PABPC1: variants seen among roughly 807,000 people sequenced by gnomAD.
PABPC1 encodes polyadenylate-binding protein 1.
PABPC1 carries 4 observed loss-of-function variants against 74.0 expected under a neutral mutation model. The ratio of observed to expected loss-of-function variants is 0.05; its 90% CI spans 0.03 to 0.12. The LOEUF (loss-of-function observed/expected upper bound fraction) is 0.12. PABPC1 is among the 10% of genes least tolerant of loss of function. The pLI is 1.00. For missense variants in PABPC1, 271 were observed against 821.1 expected (o/e 0.33, Z 8.19); for synonymous variants, 227 against 264.1 (o/e 0.86, Z 1.36).
chr8:100,712,078 C>CA (rs977525351), intron 7 of PABPC1, among the ~76,000 whole-genome samples: 7 of 152,344 alleles, frequency 4.6e-5, no homozygotes, highest in African/African-American at 1.4e-4. Flanking sequence ...ACTATAGTAA[C>CA]AATTATAAGT....
At chr8:100,712,143 CAT>C (rs1176166478) in intron 7 of PABPC1, among the ~76,000 whole-genome samples, 3 of 152,240 alleles carry the variant, frequency 2.0e-5, no homozygotes, top group Admixed American at 6.5e-5. Context: ...TAGTGCATAT[CAT>C]GTGAGGATAT....
At chr8:100,706,489 G>A (rs1275196113) in intron 11 of PABPC1, among the ~76,000 whole-genome samples, 162 bp downstream of exon 11, 1 of 151,986 alleles carries the variant, frequency 6.6e-6, no homozygotes, top group Non-Finnish European at 1.5e-5. Context: ...GGTCCTGTAT[G>A]TTGCCCAGGC....
chr8:100,718,340 A>G, intron 1 of PABPC1, 60 bp from the exon 2 acceptor site: 1 of 1,390,424 alleles, frequency 7.2e-7, no homozygotes, highest in Non-Finnish European at 1.0e-6. Flanking sequence ...GCTACTTAAG[A>G]TTATATAAAC....
intron 3 of PABPC1, among the ~76,000 whole-genome samples, chr8:100,716,384 G>A (rs189331009): frequency 6.6e-6 from 1 of 152,214 alleles, no homozygotes; most frequent in Non-Finnish European, 1.5e-5. Flanking sequence ...GGGCAAGAGA[G>A]CAAGACCATG....
At position 100,721,996 on chromosome 8, in the gene PABPC1, T is replaced by A. The variant is rs143815630; in HGVS notation, c.-413A>T. The A allele has an allele frequency of 4.6e-3, 737 of 161,514 alleles. 5 individuals are homozygous for A. Among genetic ancestry groups the A allele is most frequent in the Middle Eastern group, 0.036 (12 of 334 alleles). 10.0% of individuals were successfully genotyped at this position (161,514 alleles called of 1,614,324 possible). On this transcript the variant is annotated 5_prime_UTR_variant, in exon 1 of 15. Transcript: ENST00000318607. This position sits in a 1 kb window ranked among gnomAD's most constrained non-coding sequence, Gnocchi z 7.4. ...TTTGGGGTTTTTTAAAAGATTTTTT[T>A]AGATTTTTTTTGGATTTTTTAATAA...
intron 13 of PABPC1, 74 bp downstream of exon 13, chr8:100,704,852 T>TAA (rs1191591048): frequency 8.4e-6 from 12 of 1,427,610 alleles, no homozygotes; most frequent in Non-Finnish European, 1.2e-5. Context: ...GTAAGTGTTC[T>TAA]GTACAATTAA....
intron 5 of PABPC1, 66 bp downstream of exon 5, chr8:100,713,021 T>A: frequency 5.1e-6 from 6 of 1,170,572 alleles, no homozygotes; most frequent in Non-Finnish European, 7.4e-6. Flanking sequence ...AGTATGCACA[T>A]AGACTTCAAC....
intron 8 of PABPC1, 67 bp from the exon 9 acceptor site, chr8:100,709,290 T>C (rs778444194): frequency 1.3e-5 from 20 of 1,502,494 alleles, no homozygotes; most frequent in Non-Finnish European, 1.8e-5. Flanking sequence ...ATAAATTATA[T>C]GTACTTTTTC....
intron 7 of PABPC1, among the ~76,000 whole-genome samples, chr8:100,711,242 C>A (rs554927075): frequency 1.3e-5 from 2 of 151,836 alleles, no homozygotes; most frequent in Non-Finnish European, 2.9e-5. Flanking sequence ...ATTGCACCAC[C>A]GCACTCCAGC....
Position 100,721,730 on chromosome 8 carries a change from C to T in PABPC1, c.-147G>A, listed in dbSNP as rs1055282925. 1.2e-5 allele frequency: 8 copies of T among 653,368 alleles called. No homozygotes were observed. The African/African-American group carries it at 1.3e-4, about 11-fold the overall frequency. 40.5% of individuals were successfully genotyped at this position (653,368 alleles called of 1,614,324 possible). On this transcript the variant is annotated 5_prime_UTR_variant, in exon 1 of 15. Transcript: ENST00000318607. The surrounding 1 kb of genome is among the most constrained non-coding windows in gnomAD (Gnocchi z 7.4). ...AAATCAACCGGAATTGAAAACTACT[C>T]AACGGCCGCAGAACGGGGTCGATCC...
In PABPC1 at chr8:100,718,260, T is replaced by C. The variant is rs762908527; in HGVS notation, c.214A>G (p.Met72Val). ...PADAERALDT[M>V]NFDVIKGKPV... is the part of the protein sequence containing the mutation. Reference sequence around the variant, plus strand: ...TTGCCCTTTATAACATCAAAATTCATGGTGTCCAAAGCACGCTCCGCTGCA... The same window carrying C: ...TTGCCCTTTATAACATCAAAATTCACGGTGTCCAAAGCACGCTCCGCTGCA... The change falls in exon 2 of 15, where the codon ATG becomes GTG. Residue 72 changes from methionine (M) to valine (V), a missense_variant. Coordinates refer to ENST00000318607, the MANE Select transcript of PABPC1 (RefSeq NM_002568.4). The C allele has an allele frequency of 1.9e-6, 3 of 1,613,710 alleles. No homozygotes were observed. The highest frequency in any genetic ancestry group is 1.1e-5 in the South Asian group (1 of 91,064).
chr8:100,704,892 G>T, intron 13 of PABPC1, 34 bp downstream of exon 13: 1 of 1,609,664 alleles, frequency 6.2e-7, no homozygotes, highest in East Asian at 2.2e-5. Flanking sequence ...TAATAACTGT[G>T]TAAGAGGCAA....
At position 100,706,694 on chromosome 8, in the gene PABPC1, G is replaced by A; in HGVS notation, c.1559C>T (p.Pro520Leu). 6.2e-7 allele frequency: 1 copy of A among 1,614,046 alleles called. No individual in the cohort carries two copies. Among genetic ancestry groups the A allele is most frequent in the Non-Finnish European group, 8.5e-7 (1 of 1,179,884 alleles). The change falls in exon 11 of 15, where the codon CCT becomes CTT. Residue 520 changes from proline (P) to leucine (L), a missense_variant. Around this residue, in one of 7 missense-constraint regions of PABPC1, gnomAD observed 103 missense variants for 245.3 expected, o/e 0.42. Coordinates refer to ENST00000318607, the MANE Select transcript of PABPC1 (RefSeq NM_002568.4). The stretch of plus-strand genomic sequence containing the variant: ...TGGCTGTGCATTAAGATGTTGCTGA[G>A]GATTGCGAACTCCTGCAGCATATTT... ...QYKYAAGVRN[P>L]QQHLNAQPQV...
At chr8:100,711,900 C>G (rs1810536393) in intron 7 of PABPC1, among the ~76,000 whole-genome samples, 2 of 152,250 alleles carry the variant, frequency 1.3e-5, no homozygotes, top group Admixed American at 1.3e-4. Flanking sequence ...AAGAGAACTT[C>G]TTAAATCAAG....
chr8:100,703,410 G>A (rs1225395286), intron 14 of PABPC1, 51 bp from the exon 15 acceptor site: 1 of 152,592 alleles, frequency 6.6e-6, no homozygotes, highest in African/African-American at 2.4e-5. Context: ...CTTGTCAGTA[G>A]CAAATTAAAG....
chr8:100,712,556 C>T (rs555378632), intron 6 of PABPC1, 96 bp downstream of exon 6: 10 of 1,500,184 alleles, frequency 6.7e-6, no homozygotes, highest in South Asian at 1.2e-5. Flanking sequence ...TCCTATTCCC[C>T]TCTCAAACCC....
intron 9 of PABPC1, among the ~76,000 whole-genome samples, chr8:100,708,374 T>C (rs946683717): frequency 5.3e-5 from 8 of 151,764 alleles, no homozygotes; most frequent in African/African-American, 1.9e-4. Flanking sequence ...GAGGATCACC[T>C]GAACCCGGGA....
chr8:100,713,489 ATT>A (rs1234949203), intron 4 of PABPC1, among the ~76,000 whole-genome samples: 1 of 152,010 alleles, frequency 6.6e-6, no homozygotes, highest in African/African-American at 2.4e-5. Flanking sequence ...CAATAATTTG[ATT>A]TTTTCCCTTT....
intron 11 of PABPC1, among the ~76,000 whole-genome samples, 186 bp from the exon 12 acceptor site, chr8:100,705,859 T>C (rs549795644): frequency 6.6e-6 from 1 of 152,356 alleles, no homozygotes; most frequent in South Asian, 2.1e-4. Flanking sequence ...TACATTTTTT[T>C]TCTTTTTGAG....
Sources: gnomAD v4.1 joint callset for allele counts (sites outside exome capture counted in the v4.1 genomes callset) on GRCh38, gnomAD v4.1.1 for gene constraint, gnomAD v4.1.1 regional missense constraint, Gnocchi (gnomAD v3.1) non-coding constraint, MANE v1.5 for transcripts, NCBI Gene and HGNC (gene_info 2026-07-23, HGNC 2026-07-21) for gene names.